Variants in RPS6KA2 observed in about 807,000 individuals in gnomAD.
The protein encoded by RPS6KA2 is ribosomal protein S6 kinase alpha-2.
Under a neutral mutation model 91.8 loss-of-function variants are expected in RPS6KA2, and 42 were observed. That is an observed-to-expected ratio of 0.46 (90% CI 0.36 to 0.59). The LOEUF (loss-of-function observed/expected upper bound fraction) is 0.59, where lower values mean the gene tolerates loss of function less well. Among genes scored for constraint, RPS6KA2 ranks in the 20% least tolerant of loss-of-function variants. The pLI is 0.00. For missense variants in RPS6KA2, 798 were observed against 978.5 expected, an observed-to-expected ratio of 0.82 and a Z score of 2.46; for synonymous variants, 414 against 393.6, an observed-to-expected ratio of 1.05 and a Z score of -0.61.
At chr6:166,791,131 G>A (rs1779076508) in intron 2 of RPS6KA2, among the ~76,000 whole-genome samples, 1 of 152,182 alleles carries the variant, frequency 6.6e-6, no homozygotes, top group Non-Finnish European at 1.5e-5. Flanking sequence ...CTCATGTGCA[G>A]AGACACACAT....
At position 166,409,874 on chromosome 6, in the gene RPS6KA2, C is replaced by T. The variant is rs1487707706; in HGVS notation, c.*2888G>A. 1 of 152,544 alleles carries T rather than the reference C, an allele frequency of 6.6e-6. No individual in the cohort carries two copies. The highest frequency in any genetic ancestry group is 1.5e-5 in the Non-Finnish European group (1 of 68,050). 9.4% of individuals were successfully genotyped at this position (152,544 alleles called of 1,614,324 possible). ...TGGATAACATTAAGTACTATTATCA[C>T]TTTAAAATTCAAACAATCTTCCAAA... On this transcript the variant is annotated 3_prime_UTR_variant, in exon 21 of 21. Coordinates refer to ENST00000265678, the MANE Select transcript of RPS6KA2 (RefSeq NM_021135.6).
At chr6:166,507,080 G>C (rs1243762588) in intron 5 of RPS6KA2, among the ~76,000 whole-genome samples, 1 of 152,018 alleles carries the variant, frequency 6.6e-6, no homozygotes, top group African/African-American at 2.4e-5. Context: ...CAAAGGTGGC[G>C]TGCGAAGACC....
At position 166,648,097 on chromosome 6, in the gene RPS6KA2, CAT is replaced by C. The variant is rs1453789121; in HGVS notation, c.124-109315_124-109314del. ...ACGCACATGGTCATACACACACGCTCATACACACACGTGCACACACACGCTCA... is the reference window on the plus strand; with the variant it reads ...ACGCACATGGTCATACACACACGCTCACACACACGTGCACACACACGCTCA... On this transcript the variant is annotated intron_variant, in intron 2 of 21. Coordinates refer to the RPS6KA2 transcript ENST00000503859. The surrounding 1 kb of genome is among the most constrained non-coding windows in gnomAD (Gnocchi z 4.8). 2.5e-5 allele frequency among the ~76,000 whole-genome samples: 3 copies of C among 119,822 alleles called. No homozygotes were observed. Among genetic ancestry groups the C allele is most frequent in the Non-Finnish European group, 3.6e-5 (2 of 54,988 alleles). The allele number at this position is 119,822 out of a possible 152,430, so 78.6% of individuals were successfully genotyped here. A position where few individuals can be genotyped will look rare whatever the true frequency, so the allele number is the denominator to read the frequency against.
rs1015910327 is a variant in RPS6KA2, at chr6:166,494,480, G to A, written c.748-3739C>T. The stretch of plus-strand genomic sequence containing the variant: ...CATTCCGTGCCCGTGGTTAAGAAAC[G>A]GGAGAAGGATAAAGTGGTCTCACGA... On this transcript the variant is annotated intron_variant, in intron 8 of 20. Transcript: ENST00000265678. This position sits in a 1 kb window ranked among gnomAD's most constrained non-coding sequence, Gnocchi z 5.1. Among the ~76,000 whole-genome samples, 1 of 152,190 alleles carries A rather than the reference G, an allele frequency of 6.6e-6. No individual in the cohort carries two copies. Among genetic ancestry groups the A allele is most frequent in the Admixed American group, 6.5e-5 (1 of 15,274 alleles).
At chr6:166,649,606 CTA>C (rs1014230957) in intron 2 of RPS6KA2, among the ~76,000 whole-genome samples, 22 of 152,288 alleles carry the variant, frequency 1.4e-4, no homozygotes, top group Admixed American at 1.4e-3. Context: ...AGAATTATTA[CTA>C]TGATAATTAT....
At position 166,493,649 on chromosome 6, in the gene RPS6KA2, C is replaced by T. The variant is rs1781683270; in HGVS notation, c.748-2908G>A. Among the ~76,000 whole-genome samples, 1 of 151,882 alleles carries T rather than the reference C, an allele frequency of 6.6e-6. No homozygotes were observed. Among genetic ancestry groups the T allele is most frequent in the Non-Finnish European group, 1.5e-5 (1 of 68,000 alleles). On this transcript the variant is annotated intron_variant, in intron 8 of 20. Transcript: ENST00000265678. The surrounding 1 kb of genome is among the most constrained non-coding windows in gnomAD (Gnocchi z 4.7). ...GGCTCAAGGAGATGTAGCCAAAGCTCCACCGGGTGCAGGCCCGATGCTTCT... is the reference window on the plus strand; with the variant it reads ...GGCTCAAGGAGATGTAGCCAAAGCTTCACCGGGTGCAGGCCCGATGCTTCT...
intron 2 of RPS6KA2, among the ~76,000 whole-genome samples, chr6:166,857,064 AT>A (rs1562473895): frequency 6.6e-6 from 1 of 152,214 alleles, no homozygotes; most frequent in African/African-American, 2.4e-5. Flanking sequence ...ATTTTTCTTT[AT>A]TTAACCAGTG....
intron 2 of RPS6KA2, among the ~76,000 whole-genome samples, chr6:166,813,265 C>G (rs1006825951): frequency 1.3e-5 from 2 of 152,140 alleles, no homozygotes; most frequent in Non-Finnish European, 2.9e-5. Context: ...GCCAGGGCTC[C>G]GATTCCCTGG....
intron 2 of RPS6KA2, among the ~76,000 whole-genome samples, chr6:166,656,811 C>T (rs1453835048): frequency 6.6e-6 from 1 of 152,202 alleles, no homozygotes; most frequent in African/African-American, 2.4e-5. Context: ...GTGCCATCGC[C>T]TCCCAGGGCC....
intron 2 of RPS6KA2, among the ~76,000 whole-genome samples, chr6:166,712,908 C>T (rs563875822): frequency 7.9e-5 from 12 of 152,328 alleles, no homozygotes; most frequent in East Asian, 3.9e-4. Context: ...CCTCATGTCT[C>T]GCTCTCTCTC....
At chr6:166,475,113 G>GC (rs1562520085) in intron 10 of RPS6KA2, among the ~76,000 whole-genome samples, 1 of 152,090 alleles carries the variant, frequency 6.6e-6, no homozygotes, top group Non-Finnish European at 1.5e-5. Flanking sequence ...GACAGCCTGA[G>GC]CAGGGGTGTG....
rs1787224384 is a variant in RPS6KA2 at position 166,635,916 on chromosome 6, C to T, written c.124-97132G>A. Among the ~76,000 whole-genome samples, 1 of 152,206 alleles carries T rather than the reference C, an allele frequency of 6.6e-6. No homozygotes were observed. The highest frequency in any genetic ancestry group is 6.5e-5 in the Admixed American group (1 of 15,290). On this transcript the variant is annotated intron_variant, in intron 2 of 21. Transcript: ENST00000503859. The surrounding 1 kb of genome is among the most constrained non-coding windows in gnomAD (Gnocchi z 4.8). Reference sequence around the variant, plus strand: ...ACTCCAGGACAAGCCACCAACCCTACTCTAGACCAGGGTGGTCACCTGCTA... The same window carrying T: ...ACTCCAGGACAAGCCACCAACCCTATTCTAGACCAGGGTGGTCACCTGCTA...
chr6:166,765,598 ATT>A (rs1159848525), intron 2 of RPS6KA2, among the ~76,000 whole-genome samples: 1 of 152,200 alleles, frequency 6.6e-6, no homozygotes, highest in Non-Finnish European at 1.5e-5. Context: ...TATAGCTCTT[ATT>A]TTCTGAGACC....
At chr6:166,447,068 T>TA (rs1362121983) in intron 14 of RPS6KA2, among the ~76,000 whole-genome samples, 1 of 152,132 alleles carries the variant, frequency 6.6e-6, no homozygotes, top group Non-Finnish European at 1.5e-5. Flanking sequence ...AGTGCTCCTT[T>TA]AAAAAACTCT....
chr6:166,734,542 C>T (rs1008800658), intron 2 of RPS6KA2, among the ~76,000 whole-genome samples: 8 of 152,158 alleles, frequency 5.3e-5, no homozygotes, highest in African/African-American at 1.4e-4. Context: ...AGGAGGTTCC[C>T]GGCAATCATT....
intron 11 of RPS6KA2, among the ~76,000 whole-genome samples, chr6:166,464,545 GTAA>G (rs1780449436): frequency 6.6e-6 from 1 of 152,342 alleles, no homozygotes; most frequent in Non-Finnish European, 1.5e-5. Flanking sequence ...TTCACTGCCT[GTAA>G]TAATATTTGC....
chr6:166,571,575 T>C (rs547440127), intron 1 of RPS6KA2, among the ~76,000 whole-genome samples: 1 of 152,104 alleles, frequency 6.6e-6, no homozygotes, highest in African/African-American at 2.4e-5. Flanking sequence ...GTCAAAGGAA[T>C]GAAATGCACA....
At chr6:166,779,589 G>A (rs1583108365) in intron 2 of RPS6KA2, among the ~76,000 whole-genome samples, 1 of 152,166 alleles carries the variant, frequency 6.6e-6, no homozygotes, top group South Asian at 2.1e-4. Context: ...GAGCCGCTCC[G>A]GGGCCTCAGT....
intron 2 of RPS6KA2, among the ~76,000 whole-genome samples, chr6:166,811,460 A>G (rs1054110286): frequency 1.3e-5 from 2 of 152,204 alleles, no homozygotes; most frequent in South Asian, 4.1e-4. Flanking sequence ...CTCCATCTCT[A>G]CAAAAAACTA....
Sources: allele counts gnomAD v4.1 joint callset (sites outside exome capture counted in the v4.1 genomes callset), GRCh38; gene constraint gnomAD v4.1.1; non-coding constraint Gnocchi (gnomAD v3.1); transcripts MANE v1.5; gene names NCBI Gene and HGNC (gene_info 2026-07-23, HGNC 2026-07-21).